Variants in LHFPL2 observed in about 807,000 individuals in gnomAD.
LHFPL2 encodes LHFPL tetraspan subfamily member 2 protein.
A neutral mutation model predicts 17.5 loss-of-function variants in LHFPL2; 7 were observed. That is an observed-to-expected ratio of 0.40 (90% CI 0.23 to 0.75). LHFPL2 has a LOEUF of 0.75. LHFPL2 is among the 30% of genes least tolerant of loss of function. The pLI is 0.37. For missense variants in LHFPL2, 241 were observed against 294.8 expected (o/e 0.82, Z 1.34); for synonymous variants, 134 against 116.2 (o/e 1.15, Z -0.99).
chr5:78,544,630 C>T lies in LHFPL2; in HGVS notation c.-186+20183G>A, dbSNP rs192231835. On this transcript the variant is annotated intron_variant, in intron 3 of 4. Transcript: ENST00000380345. The stretch of plus-strand genomic sequence containing the variant: ...TAGCTGATCTGTGCGGATGCAGTGA[C>T]GGAGCCACAGCTTGCTGACCGCAGC... 1.3e-4 allele frequency among the ~76,000 whole-genome samples: 20 copies of T among 152,222 alleles called. No individual in the cohort carries two copies. The East Asian group carries it at 2.1e-3, about 16-fold the overall frequency.
intron 3 of LHFPL2, among the ~76,000 whole-genome samples, chr5:78,536,587 T>C (rs941390294): frequency 2.0e-5 from 3 of 152,248 alleles, no homozygotes; most frequent in Admixed American, 6.5e-5. Flanking sequence ...AGTTTCCACA[T>C]CTGGGCCATT....
chr5:78,529,993 C>T (rs1234058437), intron 3 of LHFPL2, among the ~76,000 whole-genome samples: 1 of 152,070 alleles, frequency 6.6e-6, no homozygotes, highest in Non-Finnish European at 1.5e-5. Flanking sequence ...TTTGTGGAAA[C>T]TGGAAGAAGG....
At chr5:78,532,996 G>A (rs1279444366) in intron 3 of LHFPL2, among the ~76,000 whole-genome samples, 1 of 152,188 alleles carries the variant, frequency 6.6e-6, no homozygotes, top group African/African-American at 2.4e-5. Flanking sequence ...ACTGGGCGGT[G>A]GCCACTGACT....
intron 2 of LHFPL2, among the ~76,000 whole-genome samples, chr5:78,607,534 C>T (rs760920383): frequency 3.3e-5 from 5 of 152,224 alleles, no homozygotes; most frequent in Non-Finnish European, 5.9e-5. Flanking sequence ...TGAGAACCTC[C>T]TCCTAAATGT....
intron 4 of LHFPL2, among the ~76,000 whole-genome samples, chr5:78,506,689 T>C (rs564965553): frequency 1.3e-5 from 2 of 152,304 alleles, no homozygotes; most frequent in African/African-American, 4.8e-5. Context: ...CACTGAATCA[T>C]GAGAAGGATA....
chr5:78,617,109 ACCTCCG>A (rs568057754), intron 2 of LHFPL2, among the ~76,000 whole-genome samples: 211 of 151,936 alleles, frequency 1.4e-3, no homozygotes, highest in African/African-American at 4.9e-3. Context: ...GCTCACTACA[ACCTCCG>A]CCTCCCAGGT....
intron 3 of LHFPL2, among the ~76,000 whole-genome samples, chr5:78,529,824 G>A (rs563320394): frequency 6.6e-6 from 1 of 152,070 alleles, no homozygotes; most frequent in Non-Finnish European, 1.5e-5. Flanking sequence ...AAAGCATCAG[G>A]GTGTGAATCA....
intron 4 of LHFPL2, among the ~76,000 whole-genome samples, chr5:78,494,802 C>A (rs368059246): frequency 6.6e-6 from 1 of 152,170 alleles, no homozygotes; most frequent in Non-Finnish European, 1.5e-5. Context: ...AATCTAAATA[C>A]GTGGTTTGCA....
chr5:78,548,558 G>A (rs765380787), intron 3 of LHFPL2, among the ~76,000 whole-genome samples: 4 of 152,220 alleles, frequency 2.6e-5, no homozygotes, highest in South Asian at 2.1e-4. Context: ...CAGAAGGGCC[G>A]TATCTACAGC....
chr5:78,587,979 G>A (rs1330913495), intron 2 of LHFPL2, among the ~76,000 whole-genome samples: 2 of 152,218 alleles, frequency 1.3e-5, no homozygotes, highest in Non-Finnish European at 2.9e-5. Flanking sequence ...CCCTCCGGTG[G>A]TTCCAGAATC....
At chr5:78,542,249 G>A (rs1029755285) in intron 3 of LHFPL2, among the ~76,000 whole-genome samples, 4 of 152,116 alleles carry the variant, frequency 2.6e-5, no homozygotes, top group African/African-American at 9.7e-5. Flanking sequence ...TTTCCCCAGT[G>A]GGGTCCCTTG....
chr5:78,646,698 C>T (rs1745892070), intron 1 of LHFPL2, among the ~76,000 whole-genome samples: 1 of 152,150 alleles, frequency 6.6e-6, no homozygotes, highest in African/African-American at 2.4e-5. Context: ...TCTATCATCT[C>T]CTACTATGGA....
chr5:78,509,056 G>C (rs1369644581), intron 4 of LHFPL2, among the ~76,000 whole-genome samples: 1 of 152,196 alleles, frequency 6.6e-6, no homozygotes, highest in Non-Finnish European at 1.5e-5. Flanking sequence ...CTTTCCTGCA[G>C]CTCACAACCT....
intron 1 of LHFPL2, among the ~76,000 whole-genome samples, chr5:78,641,562 C>G (rs1293249037): frequency 6.6e-6 from 1 of 151,990 alleles, no homozygotes; most frequent in African/African-American, 2.4e-5. Context: ...AAGTAAATAC[C>G]TTGGAAGTCT....
chr5:78,633,233 T>C (rs1335457794), intron 1 of LHFPL2, among the ~76,000 whole-genome samples: 1 of 152,122 alleles, frequency 6.6e-6, no homozygotes, highest in East Asian at 1.9e-4. Context: ...ACCCTCATGG[T>C]CAGAAGTGAA....
intron 3 of LHFPL2, among the ~76,000 whole-genome samples, chr5:78,513,572 C>A (rs1361785967): frequency 6.6e-6 from 1 of 152,118 alleles, no homozygotes; most frequent in Non-Finnish European, 1.5e-5. Flanking sequence ...TAGCTGTGTC[C>A]GCACCCAAAT....
intron 2 of LHFPL2, among the ~76,000 whole-genome samples, chr5:78,630,050 C>T (rs1282032603): frequency 6.6e-6 from 1 of 152,234 alleles, no homozygotes; most frequent in African/African-American, 2.4e-5. Context: ...AGTCAAGATT[C>T]AACTAGCGAC....
At chr5:78,504,981 C>G (rs753302490) in intron 4 of LHFPL2, among the ~76,000 whole-genome samples, 1 of 152,202 alleles carries the variant, frequency 6.6e-6, no homozygotes, top group Non-Finnish European at 1.5e-5. Context: ...AGGCAGCTGG[C>G]CGGTGGCTCA....
Position 78,510,340 on chromosome 5 carries a change from C to A in LHFPL2, c.-127G>T. The A allele has an allele frequency of 1.1e-6, 1 of 945,292 alleles. No homozygotes were observed. Among genetic ancestry groups the A allele is most frequent in the Non-Finnish European group, 1.6e-6 (1 of 643,796 alleles). The allele number at this position is 945,292 out of a possible 1,614,324, so 58.6% of individuals were successfully genotyped here. ...AGCTGCAGTCATTCACTCCCGCCGC[C>A]GGCCGCGTTCATGCTGGGGACAGCG... is the stretch of plus-strand genomic sequence containing the variant. On this transcript the variant is annotated 5_prime_UTR_variant, in exon 4 of 5. Coordinates refer to ENST00000380345, the MANE Select transcript of LHFPL2 (RefSeq NM_005779.3).
Sources: allele counts gnomAD v4.1 joint callset (sites outside exome capture counted in the v4.1 genomes callset), GRCh38; gene constraint gnomAD v4.1.1; transcripts MANE v1.5; gene names NCBI Gene and HGNC (gene_info 2026-07-23, HGNC 2026-07-21).